The following AGRN variants were observed in gnomAD, a reference collection of about 807,000 sequenced individuals.
AGRN encodes agrin.
AGRN carries 106 observed loss-of-function variants against 211.0 expected under a neutral mutation model. The ratio of observed to expected loss-of-function variants is 0.50; its 90% CI spans 0.43 to 0.59. AGRN has a LOEUF of 0.59. Among genes scored for constraint, AGRN ranks in the 20% least tolerant of loss-of-function variants. AGRN has a pLI of 0.00. For synonymous variants in AGRN, 1,525 were observed against 1,332.5 expected, an observed-to-expected ratio of 1.14 and a Z score of -3.15; for missense variants, 3,040 against 2,982.6, an observed-to-expected ratio of 1.02 and a Z score of -0.45.
At chr1:1,036,005 G>C (rs572840825) in intron 3 of AGRN, among the ~76,000 whole-genome samples, 30 of 152,118 alleles carry the variant, frequency 2.0e-4, no homozygotes, top group Non-Finnish European at 4.1e-4. Context: ...GAACACAGAC[G>C]GGGGGACCGG....
rs1053264572 is a variant in AGRN at position 1,032,531 on chromosome 1, C to A, written c.464-2746C>A. ...CGGCTGGGGGACTCCAGGAAGGCAG[C>A]AGGTGTGGGCAGTGGGTCCTCTGGG... is the stretch of plus-strand genomic sequence containing the variant. On this transcript the variant is annotated intron_variant, in intron 2 of 35. Coordinates refer to ENST00000379370, the MANE Select transcript of AGRN (RefSeq NM_198576.4). The surrounding 1 kb of genome is among the most constrained non-coding windows in gnomAD (Gnocchi z 4.7). Among the ~76,000 whole-genome samples the A allele has an allele frequency of 6.6e-6, 1 of 152,094 alleles. No homozygotes were observed. The highest frequency in any genetic ancestry group is 1.5e-5 in the Non-Finnish European group (1 of 68,004).
rs1019506413 is a variant in AGRN at position 1,045,866 on chromosome 1, C to T, written c.2670C>T (p.Gly890=). 9 of 1,610,866 alleles carry T rather than the reference C, an allele frequency of 5.6e-6. No homozygotes were observed. Among genetic ancestry groups the T allele is most frequent in the Non-Finnish European group, 7.6e-6 (9 of 1,179,868 alleles). The change falls in exon 15 of 36, where the codon GGC becomes GGT. Residue 890 remains glycine (G), a synonymous_variant. Transcript: ENST00000379370. The part of the protein sequence containing the change: ...CPDGRALGPA[G]CEADASAPAT... ...ACGGCCGTGCCCTGGGCCCCGCGGG[C>T]TGTGAAGCTGGTGAGTGAGGGCCAG...
chr1:1,045,832 A>G lies in AGRN; in HGVS notation c.2636A>G (p.Gln879Arg). The change falls in exon 15 of 36, where the codon CAG (glutamine) becomes CGG (arginine). Residue 879 changes from glutamine to arginine, a missense_variant. By Grantham distance (43) the Gln-to-Arg change is conservative. Around this residue, in one of 3 missense-constraint regions of AGRN, gnomAD observed 1,498 missense variants for 1,457.8 expected, o/e 1.03. Transcript: ENST00000379370. ...GGGGTGGCTGGACCCAAGTGTGGGC[A>G]GTGTCCAGACGGCCGTGCCCTGGGC... ...KPGVAGPKCG[Q>R]CPDGRALGPA... 1 of 1,612,498 alleles carries G rather than the reference A, an allele frequency of 6.2e-7. No homozygotes were observed. Among genetic ancestry groups the G allele is most frequent in the Non-Finnish European group, 8.5e-7 (1 of 1,179,892 alleles).
In AGRN at chr1:1,043,311, C is replaced by G; in HGVS notation, c.1457C>G (p.Ala486Gly). ...ACGTGTGCTGTGAAGAACGGGCAGG[C>G]AGCGTGTGAATGCCTGCAGGCGTGC... ...GATCAVKNGQ[A>G]ACECLQACSS... Residue 486 changes from alanine to glycine, a missense_variant, in exon 8 of 36, where the codon GCA becomes GGA. Ala to Gly is a moderately conservative substitution (Grantham distance 60). Transcript: ENST00000379370. The G allele has an allele frequency of 2.5e-6, 4 of 1,611,304 alleles. No homozygotes were observed. Among genetic ancestry groups the G allele is most frequent in the Non-Finnish European group, 3.4e-6 (4 of 1,179,462 alleles).
At chr1:1,034,353 C>T (rs559209567) in intron 2 of AGRN, 19 of 985,528 alleles carry the variant, frequency 1.9e-5, no homozygotes, top group Admixed American at 6.1e-5. Context: ...GAGAATTCTG[C>T]CCTCCTCCCA....
intron 2 of AGRN, among the ~76,000 whole-genome samples, chr1:1,025,293 A>T (rs1190379091): frequency 6.6e-6 from 1 of 152,044 alleles, no homozygotes; most frequent in Non-Finnish European, 1.5e-5. Flanking sequence ...GCCCGCCTGT[A>T]TTCCGGCGTG....
intron 27 of AGRN, 26 bp downstream of exon 27, chr1:1,050,063 A>T: frequency 1.7e-4 from 175 of 1,027,286 alleles, no homozygotes; most frequent in Non-Finnish European, 2.4e-4. Context: ...CTCTCGGGGC[A>T]GGGGGGGGGG....
In AGRN at chr1:1,048,160, G is replaced by C; in HGVS notation, c.3900G>C (p.Lys1300Asn). ...GTCACACAAGCCAGCCCGTTGCCAA[G>C]ACCACGGCAGCCCCCACCACACGTC... ...HPSHTSQPVA[K>N]TTAAPTTRRP... is the part of the protein sequence containing the mutation. The change falls in exon 23 of 36, where the codon AAG becomes AAC. Residue 1300 changes from lysine (K) to asparagine (N), a missense_variant. Lys to Asn is a moderately conservative substitution (Grantham distance 94). This residue lies in a region of AGRN where 1,537 missense variants were observed against 1,505.0 expected (regional missense o/e 1.02). Transcript: ENST00000379370. The surrounding 1 kb of genome is among the most constrained non-coding windows in gnomAD (Gnocchi z 5.9). 1 of 1,580,366 alleles carries C rather than the reference G, an allele frequency of 6.3e-7. No individual in the cohort carries two copies. The highest frequency in any genetic ancestry group is 8.5e-7 in the Non-Finnish European group (1 of 1,169,714).
chr1:1,034,257 G>C, intron 2 of AGRN: 1 of 985,440 alleles, frequency 1.0e-6, no homozygotes. Context: ...GCCAGCCCGG[G>C]GAGGCTGTGG....
At chr1:1,051,390 C>T (rs767804606) in intron 31 of AGRN, 21 bp downstream of exon 31, 20 of 1,553,250 alleles carry the variant, frequency 1.3e-5, no homozygotes, top group Non-Finnish European at 1.7e-5. Flanking sequence ...GCGGGGCGTC[C>T]CAGCAGGGCC....
rs762249229 is a variant in AGRN at position 1,051,484 on chromosome 1, C to T, written c.5402C>T (p.Pro1801Leu). 79 of 1,569,866 alleles carry T rather than the reference C, an allele frequency of 5.0e-5. No individual in the cohort carries two copies. The highest frequency in any genetic ancestry group is 5.5e-5 in the Non-Finnish European group (64 of 1,161,884). ...VSLGGRQLLT[P>L]EHVLRQVDVT... is the part of the protein sequence containing the mutation. ...CTCGGAGGCCGCCAGCTGCTGACCCCGGAGCACGTGCTGCGGCAGGTGGAC... is the reference window on the plus strand; with the variant it reads ...CTCGGAGGCCGCCAGCTGCTGACCCTGGAGCACGTGCTGCGGCAGGTGGAC... The change falls in exon 32 of 36, where the codon CCG (proline) becomes CTG (leucine). Residue 1801 changes from proline (P) to leucine (L), a missense_variant. Pro to Leu is a moderately conservative substitution (Grantham distance 98). Coordinates refer to ENST00000379370, the MANE Select transcript of AGRN (RefSeq NM_198576.4).
In AGRN at chr1:1,041,487, A is replaced by T; in HGVS notation, c.962A>T (p.Gln321Leu). Residue 321 changes from glutamine to leucine, a missense_variant, in exon 6 of 36, where the codon CAG becomes CTG. Gln to Leu is a moderately radical substitution (Grantham distance 113). Coordinates refer to ENST00000379370, the MANE Select transcript of AGRN (RefSeq NM_198576.4). ...KKFDGPCDPC[Q>L]GALPDPSRSC... ...TGCCCTCGACCCCCAGACCCCTGTC[A>T]GGGCGCCCTCCCTGACCCGAGCCGC... The T allele has an allele frequency of 6.3e-7, 1 of 1,593,714 alleles. No individual in the cohort carries two copies. The highest frequency in any genetic ancestry group is 8.5e-7 in the Non-Finnish European group (1 of 1,176,756).
chr1:1,027,843 C>G (rs559324653), intron 2 of AGRN, among the ~76,000 whole-genome samples: 3 of 152,330 alleles, frequency 2.0e-5, no homozygotes, highest in South Asian at 4.1e-4. Flanking sequence ...CGTTTGGCAG[C>G]CACCTTGGCC....
At position 1,022,151 on chromosome 1, in the gene AGRN, C is replaced by T. The variant is rs376407731; in HGVS notation, c.202-50C>T. ...TAAACACCTAAAGCCCCCAGTCTAG[C>T]CCCTTCCCCAGGAGAGGACTAATGA... On this transcript the variant is annotated intron_variant, in intron 1 of 35. Transcript: ENST00000379370. 5.6e-4 allele frequency: 907 copies of T among 1,610,864 alleles called. 7 individuals are homozygous for T. Among genetic ancestry groups the T allele is most frequent in the South Asian group, 4.5e-3 (407 of 90,990 alleles).
chr1:1,027,872 A>G (rs1273719368), intron 2 of AGRN, among the ~76,000 whole-genome samples: 1 of 152,134 alleles, frequency 6.6e-6, no homozygotes, highest in Non-Finnish European at 1.5e-5. Flanking sequence ...ACTGGGCCCT[A>G]GGAGAAGCAA....
At chr1:1,044,308 C>T (rs1645031236) in intron 11 of AGRN, 26 bp from the exon 12 acceptor site, 2 of 1,612,466 alleles carry the variant, frequency 1.2e-6, no homozygotes, top group Non-Finnish European at 1.7e-6. Flanking sequence ...GGGGCTGCGG[C>T]CGCTCACACT....
Position 1,020,133 on chromosome 1 carries a change from G to A in AGRN, c.-40G>A. The A allele has an allele frequency of 9.3e-7, 1 of 1,080,982 alleles. No homozygotes were observed. The highest frequency in any genetic ancestry group is 1.2e-6 in the Non-Finnish European group (1 of 845,802). 67.0% of individuals were successfully genotyped at this position (1,080,982 alleles called of 1,614,324 possible). On this transcript the variant is annotated 5_prime_UTR_variant, in exon 1 of 36. Coordinates refer to ENST00000379370, the MANE Select transcript of AGRN (RefSeq NM_198576.4). ...CCCGTCCTGTCCAGTCCCGTCCCCG[G>A]CGCGGCCCGCGCGCTCCTCCGCCGC...
At position 1,050,556 on chromosome 1, in the gene AGRN, C is replaced by T. The variant is rs563420866; in HGVS notation, c.5106C>T (p.Phe1702=). Reference sequence around the variant, plus strand: ...CACTGCGGGACCGCCGCCTGGAGTTCCGCTACGACCTGGGCAAGGGGGCAG... The same window carrying T: ...CACTGCGGGACCGCCGCCTGGAGTTTCGCTACGACCTGGGCAAGGGGGCAG... ...SLALRDRRLE[F]RYDLGKGAAV... is the part of the protein sequence containing the mutation. Residue 1702 remains phenylalanine, a synonymous_variant, in exon 29 of 36, where the codon TTC becomes TTT. Transcript: ENST00000379370. 3.2e-5 allele frequency: 52 copies of T among 1,612,366 alleles called. No homozygotes were observed. The Admixed American group carries it at 8.5e-4, about 26-fold the overall frequency.
At chr1:1,033,244 G>A (rs1400188510) in intron 2 of AGRN, among the ~76,000 whole-genome samples, 1 of 152,064 alleles carries the variant, frequency 6.6e-6, no homozygotes, top group Admixed American at 6.5e-5. Context: ...GGGGAAAGTG[G>A]GCGAGGCGAT....
Sources: allele counts gnomAD v4.1 joint callset (sites outside exome capture counted in the v4.1 genomes callset), GRCh38; gene constraint gnomAD v4.1.1; regional missense constraint gnomAD v4.1.1; non-coding constraint Gnocchi (gnomAD v3.1); transcripts MANE v1.5; gene names NCBI Gene and HGNC (gene_info 2026-07-23, HGNC 2026-07-21).